Variants in LIPK observed in about 807,000 individuals in gnomAD.
LIPK encodes lipase member K.
A neutral mutation model predicts 48.6 loss-of-function variants in LIPK; 32 were observed. The ratio of observed to expected loss-of-function variants is 0.66; its 90% CI spans 0.50 to 0.88. The LOEUF is 0.88. Among genes scored for constraint, LIPK ranks in the 40% least tolerant of loss-of-function variants. The pLI is 0.00. For missense variants in LIPK, 507 were observed against 478.5 expected, an observed-to-expected ratio of 1.06 and a Z score of -0.56; for synonymous variants, 164 against 157.4, an observed-to-expected ratio of 1.04 and a Z score of -0.32.
intron 8 of LIPK, among the ~76,000 whole-genome samples, chr10:88,741,472 C>A (rs1407574419): frequency 6.6e-6 from 1 of 152,284 alleles, no homozygotes; most frequent in African/African-American, 2.4e-5. Flanking sequence ...GCAATCCTCC[C>A]ACCTCAGCCT....
intron 4 of LIPK, among the ~76,000 whole-genome samples, chr10:88,731,550 C>G (rs1842468416): frequency 3.3e-5 from 5 of 152,228 alleles, no homozygotes. Flanking sequence ...CAGGAGCAAA[C>G]TGATGCACTG....
chr10:88,744,058 C>G (rs924147084), intron 9 of LIPK, among the ~76,000 whole-genome samples: 1 of 152,208 alleles, frequency 6.6e-6, no homozygotes, highest in African/African-American at 2.4e-5. Context: ...TAGCGCTGGC[C>G]TTTGTTGACT....
intron 1 of LIPK, among the ~76,000 whole-genome samples, chr10:88,717,136 T>C (rs905158607): frequency 6.6e-6 from 1 of 152,186 alleles, no homozygotes; most frequent in Non-Finnish European, 1.5e-5. Context: ...GTCTGTTTTG[T>C]CATCCAGTTC....
chr10:88,721,749 G>C (rs1842229291), intron 1 of LIPK, among the ~76,000 whole-genome samples: 1 of 152,164 alleles, frequency 6.6e-6, no homozygotes, highest in Non-Finnish European at 1.5e-5. Context: ...TTACTTACTG[G>C]TGATTTTGAT....
chr10:88,715,724 CTTTT>C (rs1287732495), intron 1 of LIPK, among the ~76,000 whole-genome samples: 1 of 151,736 alleles, frequency 6.6e-6, no homozygotes, highest in Admixed American at 6.6e-5. Context: ...CCTTTTCTTT[CTTTT>C]TTCTTTCTTT....
At chr10:88,733,622 T>C (rs1247536723) in intron 6 of LIPK, among the ~76,000 whole-genome samples, 1 of 152,248 alleles carries the variant, frequency 6.6e-6, no homozygotes, top group African/African-American at 2.4e-5. Context: ...CACTCTGGCC[T>C]GCTCCTACTA....
chr10:88,732,023 C>G (rs1290526738), intron 4 of LIPK, among the ~76,000 whole-genome samples, 155 bp from the exon 5 acceptor site: 1 of 152,190 alleles, frequency 6.6e-6, no homozygotes, highest in East Asian at 1.9e-4. Flanking sequence ...CAAGGTGACA[C>G]CCTTAAAAGT....
At chr10:88,739,730 G>A (rs1008508455) in intron 7 of LIPK, among the ~76,000 whole-genome samples, 2 of 151,954 alleles carry the variant, frequency 1.3e-5, no homozygotes, top group African/African-American at 2.4e-5. Context: ...GTGGTGGTGC[G>A]CACCTGTAGT....
chr10:88,737,263 A>G (rs1201044359), intron 6 of LIPK, among the ~76,000 whole-genome samples: 1 of 152,258 alleles, frequency 6.6e-6, no homozygotes, highest in Non-Finnish European at 1.5e-5. Flanking sequence ...CCTACCCAGT[A>G]GAAAATTTTT....
intron 9 of LIPK, among the ~76,000 whole-genome samples, chr10:88,751,606 TCTAA>T (rs1842864273): frequency 6.6e-6 from 1 of 152,132 alleles, no homozygotes; most frequent in Non-Finnish European, 1.5e-5. Context: ...ATAACTCAAC[TCTAA>T]CTGTTGTGAA....
chr10:88,725,194 T>C (rs1466499888), intron 2 of LIPK, among the ~76,000 whole-genome samples: 1 of 152,240 alleles, frequency 6.6e-6, no homozygotes, highest in Non-Finnish European at 1.5e-5. Flanking sequence ...TGCTGTCCTG[T>C]ACCATACGCA....
chr10:88,743,218 T>A, intron 8 of LIPK, 32 bp from the exon 9 acceptor site: 1 of 1,456,854 alleles, frequency 6.9e-7, no homozygotes, highest in Non-Finnish European at 9.4e-7. Context: ...ACTATTTTCT[T>A]ATATTATTTT....
intron 4 of LIPK, 47 bp downstream of exon 4, chr10:88,731,228 A>G (rs757760952): frequency 7.2e-7 from 1 of 1,394,226 alleles, no homozygotes; most frequent in South Asian, 1.7e-5. Flanking sequence ...TTCCTCATGC[A>G]TATGTATGAA....
intron 9 of LIPK, among the ~76,000 whole-genome samples, chr10:88,751,756 T>C (rs1187218558): frequency 1.3e-5 from 2 of 152,104 alleles, no homozygotes; most frequent in East Asian, 3.9e-4. Context: ...GTTTACTTAG[T>C]TCATATAGTT....
chr10:88,716,243 G>A (rs1342260138), intron 1 of LIPK, among the ~76,000 whole-genome samples: 1 of 151,642 alleles, frequency 6.6e-6, no homozygotes, highest in African/African-American at 2.4e-5. Context: ...ACAGAGAAAA[G>A]AGATAATTGA....
chr10:88,734,693 T>C (rs1842535978), intron 6 of LIPK, among the ~76,000 whole-genome samples: 1 of 152,144 alleles, frequency 6.6e-6, no homozygotes, highest in African/African-American at 2.4e-5. Flanking sequence ...ATGTTGGGGA[T>C]TGGACAAGAG....
intron 9 of LIPK, among the ~76,000 whole-genome samples, chr10:88,748,070 T>C (rs1842800072): frequency 6.6e-6 from 1 of 152,202 alleles, no homozygotes; most frequent in African/African-American, 2.4e-5. Context: ...TGGAATACTA[T>C]GCAGTCATAG....
intron 3 of LIPK, chr10:88,728,145 TA>T: frequency 4.4e-6 from 1 of 225,790 alleles, no homozygotes; most frequent in Non-Finnish European, 9.0e-6. Flanking sequence ...CAACGTAGAA[TA>T]AGTAGTCTCG....
intron 3 of LIPK, chr10:88,727,952 T>G: frequency 2.8e-6 from 1 of 357,938 alleles, no homozygotes; most frequent in South Asian, 2.5e-5. Flanking sequence ...GAGAGCTGCA[T>G]CAACAACTTT....
Sources: allele counts gnomAD v4.1 joint callset (sites outside exome capture counted in the v4.1 genomes callset), GRCh38; gene constraint gnomAD v4.1.1; transcripts MANE v1.5; gene names NCBI Gene and HGNC (gene_info 2026-07-23, HGNC 2026-07-21).